The following ACACB variants were observed in gnomAD, a reference collection of about 807,000 sequenced individuals.
ACACB encodes the protein acetyl-CoA carboxylase beta, also known as acetyl-CoA carboxylase 2.
ACACB carries 209 observed loss-of-function variants against 278.8 expected under a neutral mutation model. The ratio of observed to expected loss-of-function variants is 0.75; its 90% CI spans 0.67 to 0.84. The LOEUF (loss-of-function observed/expected upper bound fraction) is 0.84, where lower values mean the gene tolerates loss of function less well. ACACB is among the 40% of genes least tolerant of loss of function. ACACB has a pLI of 0.00. For missense variants in ACACB, 2,850 were observed against 3,269.0 expected (o/e 0.87, Z 3.13); for synonymous variants, 1,174 against 1,285.6 (o/e 0.91, Z 1.86).
chr12:109,182,335 A>T (rs2044505149), intron 11 of ACACB, among the ~76,000 whole-genome samples: 1 of 151,670 alleles, frequency 6.6e-6, no homozygotes, highest in Non-Finnish European at 1.5e-5. Flanking sequence ...TTTTAATTGG[A>T]TTCATGAGAC....
chr12:109,264,176 C>T, intron 49 of ACACB, 56 bp from the exon 50 acceptor site: 1 of 1,568,938 alleles, frequency 6.4e-7, no homozygotes, highest in African/African-American at 1.4e-5. Context: ...AAAATCTCCA[C>T]CCCATCACAT....
At chr12:109,236,473 A>G (rs1593663512) in intron 33 of ACACB, 1 of 152,434 alleles carries the variant, frequency 6.6e-6, no homozygotes, top group Non-Finnish European at 1.5e-5. Flanking sequence ...TTATTGGAAC[A>G]CAGCCACACC....
rs868761117 is a variant in ACACB at position 109,222,241 on chromosome 12, G to A, written c.3565-266G>A. Among the ~76,000 whole-genome samples, 5 of 151,814 alleles carry A rather than the reference G, an allele frequency of 3.3e-5. 1 individual carries two copies. The highest frequency in any genetic ancestry group is 1.3e-4 in the Admixed American group (2 of 15,240). On this transcript the variant is annotated intron_variant, in intron 24 of 52. Coordinates refer to ENST00000338432, the MANE Select transcript of ACACB (RefSeq NM_001093.4). ...CGTAGGCAGGGACTTAGTTGTATTT[G>A]TTTGTTCTTACCAGGCATTTAGGGC... is the stretch of plus-strand genomic sequence containing the variant.
rs1270071755 is a variant in ACACB at position 109,264,034 on chromosome 12, A to G, written c.6788-198A>G. ...CCTGGGGTGGGGGCCAGGCCAGTGG[A>G]CTCTGGGGGACCTAGGGGGCTGAGG... is the stretch of plus-strand genomic sequence containing the variant. On this transcript the variant is annotated intron_variant, in intron 49 of 52. Coordinates refer to ENST00000338432, the MANE Select transcript of ACACB (RefSeq NM_001093.4). The G allele has an allele frequency of 8.1e-6, 5 of 616,564 alleles. No individual in the cohort carries two copies. The Admixed American group carries it at 1.5e-4, about 18-fold the overall frequency. 38.2% of individuals were successfully genotyped at this position (616,564 alleles called of 1,614,324 possible).
chr12:109,194,179 GT>G (rs113054401), intron 16 of ACACB, among the ~76,000 whole-genome samples: 2 of 150,298 alleles, frequency 1.3e-5, no homozygotes, highest in Non-Finnish European at 1.5e-5. Flanking sequence ...CTCTGTCTCT[GT>G]TTTTTTTTTT....
chr12:109,122,889 TA>T (rs973657860), intron 1 of ACACB, among the ~76,000 whole-genome samples: 50 of 151,924 alleles, frequency 3.3e-4, no homozygotes, highest in Non-Finnish European at 1.5e-4. Context: ...CATTTTATTA[TA>T]AAAAAATTTA....
chr12:109,163,137 C>A (rs946614279), intron 2 of ACACB, among the ~76,000 whole-genome samples: 12 of 152,102 alleles, frequency 7.9e-5, no homozygotes, highest in Non-Finnish European at 1.8e-4. Context: ...GTTGTCCATG[C>A]TGCTCTCAAA....
intron 48 of ACACB, among the ~76,000 whole-genome samples, chr12:109,261,240 T>C (rs1418816657): frequency 6.6e-6 from 1 of 152,204 alleles, no homozygotes; most frequent in Non-Finnish European, 1.5e-5. Flanking sequence ...ACTCCAAATA[T>C]AGGCACGGCA....
chr12:109,256,049 G>A (rs1593718458), intron 44 of ACACB, 91 bp from the exon 45 acceptor site: 1 of 952,590 alleles, frequency 1.0e-6, no homozygotes, highest in East Asian at 2.5e-5. Flanking sequence ...AAGCCAGGCT[G>A]TCCTTAGGGA....
In ACACB at chr12:109,250,015, G is replaced by A. The variant is rs951118683; in HGVS notation, c.5701G>A (p.Asp1901Asn). 4 of 1,613,464 alleles carry A rather than the reference G, an allele frequency of 2.5e-6. No individual in the cohort carries two copies. In the African/African-American group the frequency reaches 5.3e-5, roughly 22 times the overall value. ...GATCACGGATATCATCGGGAAGGAT[G>A]ATGGCTTGGGCGTGGAGAATCTGAG... ...YMITDIIGKDDGLGVENLRGS... is the reference protein window; with the variant it reads ...YMITDIIGKDNGLGVENLRGS... Residue 1901 changes from aspartate (D) to asparagine (N), a missense_variant, in exon 41 of 53, where the codon GAT (aspartate) becomes AAT (asparagine). Physicochemically the swap from Asp to Asn is conservative, Grantham distance 23 (BLOSUM62 1). Coordinates refer to ENST00000338432, the MANE Select transcript of ACACB (RefSeq NM_001093.4).
intron 18 of ACACB, among the ~76,000 whole-genome samples, chr12:109,200,275 C>T (rs1211793785): frequency 6.6e-6 from 1 of 151,916 alleles, no homozygotes; most frequent in Non-Finnish European, 1.5e-5. Flanking sequence ...ACTCCGCCTC[C>T]CAGGCTCAAG....
chr12:109,264,462 G>GGGGGGGGGT, intron 50 of ACACB, 76 bp downstream of exon 50: 1 of 1,561,150 alleles, frequency 6.4e-7, no homozygotes, highest in Non-Finnish European at 8.8e-7. Flanking sequence ...TTTGGGCTCG[G>GGGGGGGGGT]GGGCGGGGAG....
At chr12:109,128,587 C>A (rs1593363434) in intron 1 of ACACB, among the ~76,000 whole-genome samples, 1 of 152,122 alleles carries the variant, frequency 6.6e-6, no homozygotes, top group African/African-American at 2.4e-5. Context: ...GATCTGCCCC[C>A]CTCAGCCTCC....
rs114080365 is a variant in ACACB at position 109,240,941 on chromosome 12, A to G, written c.4819-137A>G. The G allele has an allele frequency of 4.4e-3, 3,317 of 760,542 alleles. 89 individuals carry two copies. The African/African-American group carries it at 0.049, about 11-fold the overall frequency. The allele number at this position is 760,542 out of a possible 1,614,324, so 47.1% of individuals were successfully genotyped here. On this transcript the variant is annotated intron_variant, in intron 35 of 52. Coordinates refer to ENST00000338432, the MANE Select transcript of ACACB (RefSeq NM_001093.4). ...GAGCCGTTGCTTGTTATTAGTTAAT[A>G]CTTTTTGTTGGATACACACTATGTC...
chr12:109,198,958 C>T lies in ACACB; in HGVS notation c.2628-444C>T, dbSNP rs533290122. On this transcript the variant is annotated intron_variant, in intron 17 of 52. Coordinates refer to ENST00000338432, the MANE Select transcript of ACACB (RefSeq NM_001093.4). ...ATCCCAGCACTTTGGGAGGCTGAGG[C>T]GGGCGGATCATGAGGTCAGGAGATC... 4.7e-4 allele frequency among the ~76,000 whole-genome samples: 71 copies of T among 152,036 alleles called. 1 individual carries two copies. In the South Asian group the frequency reaches 0.013, roughly 28 times the overall value.
chr12:109,203,145 C>T (rs912245843), intron 19 of ACACB, among the ~76,000 whole-genome samples: 4 of 152,144 alleles, frequency 2.6e-5, no homozygotes, highest in Non-Finnish European at 5.9e-5. Context: ...TTTCATTTAG[C>T]GTAACGTCTC....
intron 4 of ACACB, among the ~76,000 whole-genome samples, chr12:109,170,940 G>A (rs1479436800): frequency 1.3e-5 from 2 of 151,284 alleles, no homozygotes; most frequent in Non-Finnish European, 2.9e-5. Context: ...AGGCTCAAGT[G>A]ATCCTCCTGC....
At chr12:109,175,831 A>G (rs2044264749) in intron 7 of ACACB, 100 bp from the exon 8 acceptor site, 1 of 964,402 alleles carries the variant, frequency 1.0e-6, no homozygotes, top group South Asian at 1.4e-5. Flanking sequence ...CCAGAAGCCC[A>G]GGTCTAGCAC....
chr12:109,121,864 T>C (rs180815199), intron 1 of ACACB, among the ~76,000 whole-genome samples: 21 of 152,256 alleles, frequency 1.4e-4, no homozygotes, highest in Non-Finnish European at 2.6e-4. Flanking sequence ...TCTATTCCAG[T>C]GGAGAAGAGG....
Sources: gnomAD v4.1 joint callset for allele counts (sites outside exome capture counted in the v4.1 genomes callset) on GRCh38, gnomAD v4.1.1 for gene constraint, MANE v1.5 for transcripts, NCBI Gene and HGNC (gene_info 2026-07-23, HGNC 2026-07-21) for gene names.